The following DGKB variants were observed in gnomAD, a reference collection of about 807,000 sequenced individuals.
DGKB encodes diacylglycerol kinase beta.
A neutral mutation model predicts 114.3 loss-of-function variants in DGKB; 67 were observed. That is an observed-to-expected ratio of 0.59 (90% CI 0.48 to 0.72). The LOEUF is 0.72. Ranked by LOEUF, DGKB falls within the 30% of genes least tolerant of loss-of-function variation. The pLI is 0.00. For missense variants in DGKB, 907 were observed against 975.2 expected, an observed-to-expected ratio of 0.93 and a Z score of 0.93; for synonymous variants, 398 against 323.1, an observed-to-expected ratio of 1.23 and a Z score of -2.49.
At position 14,833,848 on chromosome 7, in the gene DGKB, A is replaced by G. The variant is rs555372541; in HGVS notation, c.70+7346T>C. Among the ~76,000 whole-genome samples, 64 of 152,130 alleles carry G rather than the reference A, an allele frequency of 4.2e-4. 1 individual carries two copies. The highest frequency in any genetic ancestry group is 1.5e-3 in the African/African-American group (61 of 41,514). On this transcript the variant is annotated intron_variant, in intron 2 of 25. Coordinates refer to ENST00000402815, the MANE Select transcript of DGKB (RefSeq NM_001350709.2). Reference sequence around the variant, plus strand: ...ACCTCTACTCAATACTTTCTATTCAAATTAAAACCCCATTCCACTCTCAAC... The same window carrying G: ...ACCTCTACTCAATACTTTCTATTCAGATTAAAACCCCATTCCACTCTCAAC...
intron 5 of DGKB, among the ~76,000 whole-genome samples, chr7:14,729,123 C>CTTT (rs1162368398): frequency 0.024 from 2,677 of 113,282 alleles, 159 homozygotes; most frequent in African/African-American, 0.093. Context: ...CATTTTCTTT[C>CTTT]TTTTTTTTTT....
chr7:14,702,027 T>C (rs576519188), intron 6 of DGKB, among the ~76,000 whole-genome samples: 1 of 152,212 alleles, frequency 6.6e-6, no homozygotes, highest in African/African-American at 2.4e-5. Flanking sequence ...AACTCAAAAC[T>C]AAAAGAGAAG....
At chr7:14,672,727 C>T (rs1006824293) in intron 13 of DGKB, among the ~76,000 whole-genome samples, 3 of 152,024 alleles carry the variant, frequency 2.0e-5, no homozygotes, top group Non-Finnish European at 4.4e-5. Context: ...TCAAGCATAT[C>T]GTTCTAGAAA....
chr7:14,677,036 A>G (rs1819988811), intron 12 of DGKB, among the ~76,000 whole-genome samples: 1 of 152,014 alleles, frequency 6.6e-6, no homozygotes, highest in Admixed American at 6.6e-5. Context: ...CCTGGAAGTG[A>G]ATTAAACACT....
intron 21 of DGKB, among the ~76,000 whole-genome samples, chr7:14,373,469 C>T (rs1003516686): frequency 2.2e-4 from 33 of 152,130 alleles, no homozygotes; most frequent in South Asian, 6.2e-4. Context: ...ACATTTATTC[C>T]GTACAGTGAG....
chr7:14,418,728 G>A (rs1225422337), intron 21 of DGKB, among the ~76,000 whole-genome samples: 1 of 149,976 alleles, frequency 6.7e-6, no homozygotes, highest in Non-Finnish European at 1.5e-5. Flanking sequence ...TCATAGCTAG[G>A]TTAATTTCAT....
rs141665182 is a variant in DGKB, at chr7:14,919,929, T to A, written c.-188+54767A>T. ...AGTTTCCTGAGGCCCTCGCCAGAAG[T>A]AGATGCCAGCACTATGCTTCTTGTA... is the stretch of plus-strand genomic sequence containing the variant. On this transcript the variant is annotated intron_variant, in intron 1 of 4. Coordinates refer to the DGKB transcript ENST00000437998. Among the ~76,000 whole-genome samples the A allele has an allele frequency of 4.5e-3, 692 of 152,268 alleles. 7 individuals carry two copies. Among genetic ancestry groups the A allele is most frequent in the African/African-American group, 0.016 (669 of 41,542 alleles).
chr7:14,721,027 C>G (rs1829085555), intron 5 of DGKB, among the ~76,000 whole-genome samples: 1 of 152,156 alleles, frequency 6.6e-6, no homozygotes, highest in Non-Finnish European at 1.5e-5. Context: ...AAGCTATGAC[C>G]TAACTCATCC....
chr7:14,701,292 T>C lies in DGKB; in HGVS notation c.516+389A>G, dbSNP rs111480337. On this transcript the variant is annotated intron_variant, in intron 7 of 25. Coordinates refer to ENST00000402815, the MANE Select transcript of DGKB (RefSeq NM_001350709.2). ...ATAATTAAACTGACTTTATACATCC[T>C]TAAAATTCTACTTATAGTCTCAAGT... 8.9e-3 allele frequency among the ~76,000 whole-genome samples: 1,363 copies of C among 152,322 alleles called. 8 individuals carry two copies. The highest frequency in any genetic ancestry group is 0.015 in the Admixed American group (231 of 15,294).
intron 6 of DGKB, among the ~76,000 whole-genome samples, chr7:14,710,753 T>C (rs1827226378): frequency 6.6e-6 from 1 of 152,134 alleles, no homozygotes; most frequent in Admixed American, 6.6e-5. Flanking sequence ...TGTGATAAAA[T>C]ACTTTTATGA....
intron 2 of DGKB, among the ~76,000 whole-genome samples, chr7:14,830,927 G>T (rs1303163433): frequency 6.6e-6 from 1 of 151,932 alleles, no homozygotes; most frequent in East Asian, 1.9e-4. Context: ...ACATGTGTGT[G>T]CATGTGTGCA....
chr7:14,659,203 C>A (rs998662300), intron 13 of DGKB, among the ~76,000 whole-genome samples: 2 of 151,974 alleles, frequency 1.3e-5, no homozygotes, highest in African/African-American at 4.8e-5. Flanking sequence ...GAAGAACACA[C>A]CATAACTGGT....
At chr7:14,241,411 A>C (rs2128365667) in intron 23 of DGKB, among the ~76,000 whole-genome samples, 1 of 152,130 alleles carries the variant, frequency 6.6e-6, no homozygotes, top group South Asian at 2.1e-4. Flanking sequence ...AATATACTAT[A>C]ATTAAATATA....
chr7:14,697,429 C>T (rs1174391159), intron 8 of DGKB, among the ~76,000 whole-genome samples: 1 of 152,096 alleles, frequency 6.6e-6, no homozygotes, highest in African/African-American at 2.4e-5. Flanking sequence ...ATGGCATGGC[C>T]TTGGCAGTGT....
intron 25 of DGKB, among the ~76,000 whole-genome samples, chr7:14,172,700 C>T (rs1781186845): frequency 6.6e-6 from 1 of 151,910 alleles, no homozygotes; most frequent in African/African-American, 2.4e-5. Context: ...ATTTGAGGTT[C>T]CTGAGGCTTT....
chr7:14,672,444 G>T (rs1430577010), intron 13 of DGKB, among the ~76,000 whole-genome samples: 1 of 151,476 alleles, frequency 6.6e-6, no homozygotes, highest in Admixed American at 6.6e-5. Flanking sequence ...TAAATTTATT[G>T]TTCAATAAAA....
At chr7:14,918,935 T>C (rs1276220053) in intron 1 of DGKB, among the ~76,000 whole-genome samples, 3 of 151,564 alleles carry the variant, frequency 2.0e-5, no homozygotes, top group African/African-American at 7.3e-5. Context: ...TGGTGGCAGG[T>C]GCCTGTAATC....
chr7:14,952,948 C>A (rs1374669443), intron 1 of DGKB, among the ~76,000 whole-genome samples: 4 of 151,858 alleles, frequency 2.6e-5, no homozygotes, highest in Non-Finnish European at 4.4e-5. Context: ...AGTGAAAAAA[C>A]AATTCAGTGG....
At chr7:14,948,416 G>A (rs1785998728) in intron 1 of DGKB, among the ~76,000 whole-genome samples, 1 of 151,664 alleles carries the variant, frequency 6.6e-6, no homozygotes, top group South Asian at 2.1e-4. Flanking sequence ...GAATGTTAAG[G>A]AAATTTCTGA....
Sources: gnomAD v4.1 joint callset for allele counts (sites outside exome capture counted in the v4.1 genomes callset) on GRCh38, gnomAD v4.1.1 for gene constraint, MANE v1.5 for transcripts, NCBI Gene and HGNC (gene_info 2026-07-23, HGNC 2026-07-21) for gene names.